INTS7: variants seen among roughly 807,000 people sequenced by gnomAD.
INTS7 encodes the protein chromosome 1 open reading frame 73.
A neutral mutation model predicts 109.2 loss-of-function variants in INTS7; 46 were observed. The observed-to-expected ratio is 0.42, with a 90% confidence interval of 0.33 to 0.54. The LOEUF (loss-of-function observed/expected upper bound fraction) is 0.54. Among genes scored for constraint, INTS7 ranks in the 20% least tolerant of loss-of-function variants. The probability of loss-of-function intolerance (pLI) is 0.07; values close to 1 mark genes in which losing one functional copy is unlikely to be tolerated. For missense variants in INTS7, 929 were observed against 1,132.4 expected, an observed-to-expected ratio of 0.82 and a Z score of 2.58; for synonymous variants, 412 against 402.9, an observed-to-expected ratio of 1.02 and a Z score of -0.27.
intron 7 of INTS7, among the ~76,000 whole-genome samples, chr1:211,995,610 C>G (rs1211696205): frequency 1.3e-5 from 2 of 152,172 alleles, no homozygotes; most frequent in Admixed American, 1.3e-4. Flanking sequence ...TGGAATAAGA[C>G]AGCCCTAATA....
Position 212,027,993 on chromosome 1 carries a change from A to G in INTS7, c.95-6781T>C, listed in dbSNP as rs548743358. 1.1e-4 allele frequency among the ~76,000 whole-genome samples: 17 copies of G among 152,206 alleles called. No individual in the cohort carries two copies. In the South Asian group the frequency reaches 3.3e-3, roughly 30 times the overall value. On this transcript the variant is annotated intron_variant, in intron 1 of 19. Transcript: ENST00000366994. ...AGGCGTGCACCATCACACCTGGCTA[A>G]GTTTTATATTTTTAGTAGAGACAGG... is the stretch of plus-strand genomic sequence containing the variant.
intron 5 of INTS7, among the ~76,000 whole-genome samples, chr1:212,007,755 A>C (rs1216896718): frequency 6.6e-6 from 1 of 152,196 alleles, no homozygotes; most frequent in Non-Finnish European, 1.5e-5. Flanking sequence ...ATAGTAAAAA[A>C]ATTATACATA....
intron 13 of INTS7, among the ~76,000 whole-genome samples, chr1:211,973,766 G>A (rs77281455): frequency 0.026 from 3,930 of 152,300 alleles, 55 homozygotes; most frequent in African/African-American, 0.045. Flanking sequence ...ACACTCAAGT[G>A]AAGAATTATT....
At chr1:211,979,109 A>G (rs1314501419) in intron 10 of INTS7, among the ~76,000 whole-genome samples, 3 of 152,214 alleles carry the variant, frequency 2.0e-5, no homozygotes, top group African/African-American at 7.2e-5. Context: ...AGGCATCACT[A>G]ATATCCAGCC....
chr1:211,994,146 G>C (rs776870308), intron 7 of INTS7, among the ~76,000 whole-genome samples: 1 of 152,076 alleles, frequency 6.6e-6, no homozygotes, highest in Non-Finnish European at 1.5e-5. Flanking sequence ...AGGAAGAAGG[G>C]AAGCCCTACA....
intron 7 of INTS7, among the ~76,000 whole-genome samples, chr1:211,997,947 A>C (rs1665484007): frequency 6.6e-6 from 1 of 151,890 alleles, no homozygotes; most frequent in Admixed American, 6.6e-5. Flanking sequence ...AGATGTAAAG[A>C]CCAACAAAAA....
chr1:211,985,917 C>G (rs1224994823), intron 8 of INTS7, among the ~76,000 whole-genome samples: 1 of 152,114 alleles, frequency 6.6e-6, no homozygotes, highest in African/African-American at 2.4e-5. Flanking sequence ...GTGATTTATG[C>G]AGAAAAAGAA....
intron 17 of INTS7, among the ~76,000 whole-genome samples, chr1:211,950,725 T>C (rs1162840648): frequency 1.3e-5 from 2 of 152,258 alleles, no homozygotes; most frequent in Admixed American, 6.5e-5. Context: ...GTCACACAGC[T>C]GCTGAGCAGC....
intron 16 of INTS7, among the ~76,000 whole-genome samples, chr1:211,954,519 T>C (rs1056293416): frequency 6.6e-6 from 1 of 152,248 alleles, no homozygotes; most frequent in African/African-American, 2.4e-5. Flanking sequence ...CTAGGGTTTT[T>C]ATGGTTTTAG....
chr1:211,964,658 C>T (rs1336555030), intron 16 of INTS7, among the ~76,000 whole-genome samples: 3 of 151,950 alleles, frequency 2.0e-5, no homozygotes, highest in Non-Finnish European at 4.4e-5. Context: ...AGCCCAGAAA[C>T]AAGGCCACAC....
intron 5 of INTS7, among the ~76,000 whole-genome samples, chr1:212,008,745 A>G (rs1311369014): frequency 6.6e-6 from 1 of 152,320 alleles, no homozygotes; most frequent in African/African-American, 2.4e-5. Flanking sequence ...AAATCACATC[A>G]TTATAGCTTC....
chr1:211,942,795 A>T lies in INTS7; in HGVS notation c.2602-684T>A, dbSNP rs114714344. Reference sequence around the variant, plus strand: ...CTCATGCCTTTGTTCTTCAAAGACCAGAATAAAACCTGCTGACGTACTCTT... The same window carrying T: ...CTCATGCCTTTGTTCTTCAAAGACCTGAATAAAACCTGCTGACGTACTCTT... On this transcript the variant is annotated intron_variant, in intron 19 of 19. Transcript: ENST00000366994. This position sits in a 1 kb window ranked among gnomAD's most constrained non-coding sequence, Gnocchi z 4.2. Among the ~76,000 whole-genome samples, 818 of 152,336 alleles carry T rather than the reference A, an allele frequency of 5.4e-3. 4 individuals are homozygous for T. The highest frequency in any genetic ancestry group is 0.019 in the African/African-American group (775 of 41,576).
Position 212,011,397 on chromosome 1 carries a change from G to A in INTS7, c.534C>T (p.Asn178=). The A allele has an allele frequency of 6.3e-7, 1 of 1,580,840 alleles. No individual in the cohort carries two copies. The highest frequency in any genetic ancestry group is 1.7e-4 in the Middle Eastern group (1 of 5,750). The part of the protein sequence containing the change: ...QSKDFAVGIC[N]KISEMIQGLA... ...TACCTTGAATCATTTCACTGATTTT[G>A]TTACAGATTCCTACAGCAAAATCCC... Residue 178 remains asparagine, a synonymous_variant, in exon 5 of 20, where the codon AAC becomes AAT. Coordinates refer to ENST00000366994, the MANE Select transcript of INTS7 (RefSeq NM_015434.4).
intron 16 of INTS7, among the ~76,000 whole-genome samples, chr1:211,956,654 T>C (rs1175671660): frequency 6.6e-6 from 1 of 152,218 alleles, no homozygotes; most frequent in Non-Finnish European, 1.5e-5. Context: ...ATTTTATTAA[T>C]CTTTTCAAAG....
At chr1:211,984,288 C>A (rs1029307677) in intron 8 of INTS7, among the ~76,000 whole-genome samples, 10 of 152,114 alleles carry the variant, frequency 6.6e-5, no homozygotes, top group African/African-American at 2.4e-4. Flanking sequence ...TATAAATTTA[C>A]AAACATGTTT....
chr1:212,023,078 T>C (rs890576166), intron 1 of INTS7, among the ~76,000 whole-genome samples: 1 of 152,220 alleles, frequency 6.6e-6, no homozygotes, highest in African/African-American at 2.4e-5. Context: ...GCAAAAGACA[T>C]GTTTTCATTC....
chr1:211,976,430 T>C (rs1406487945), intron 12 of INTS7, 152 bp downstream of exon 12: 2 of 622,096 alleles, frequency 3.2e-6, no homozygotes, highest in Admixed American at 6.1e-5. Context: ...AAGTTAAAAA[T>C]CAGGTCCTTT....
At position 211,941,731 on chromosome 1, in the gene INTS7, C is replaced by T. The variant is rs997919955; in HGVS notation, c.*93G>A. ...AAAATCAATGAATAAATGAACTACA[C>T]TGTAACTTTAATACTTATTCCATAT... On this transcript the variant is annotated 3_prime_UTR_variant, in exon 20 of 20. Transcript: ENST00000366994. 1.3e-6 allele frequency: 2 copies of T among 1,485,674 alleles called. No homozygotes were observed. The highest frequency in any genetic ancestry group is 1.3e-5 in the South Asian group (1 of 74,762). 92.0% of individuals were successfully genotyped at this position (1,485,674 alleles called of 1,614,324 possible).
Position 211,942,726 on chromosome 1 carries a change from T to C in INTS7, c.2602-615A>G, listed in dbSNP as rs888128192. Among the ~76,000 whole-genome samples, 1 of 152,216 alleles carries C rather than the reference T, an allele frequency of 6.6e-6. No individual in the cohort carries two copies. The highest frequency in any genetic ancestry group is 2.4e-5 in the African/African-American group (1 of 41,462). On this transcript the variant is annotated intron_variant, in intron 19 of 19. Coordinates refer to ENST00000366994, the MANE Select transcript of INTS7 (RefSeq NM_015434.4). This position sits in a 1 kb window ranked among gnomAD's most constrained non-coding sequence, Gnocchi z 4.2. ...TTTTGTTCAGACTGGAAGTACAATA[T>C]GTTATAAAACACAGATTTATAGGCT...
Sources: allele counts gnomAD v4.1 joint callset (sites outside exome capture counted in the v4.1 genomes callset), GRCh38; gene constraint gnomAD v4.1.1; non-coding constraint Gnocchi (gnomAD v3.1); transcripts MANE v1.5; gene names NCBI Gene and HGNC (gene_info 2026-07-23, HGNC 2026-07-21).